Variants in DIP2A observed in about 807,000 individuals in gnomAD.
DIP2A encodes DIP2 acetate--CoA ligase A.
DIP2A carries 85 observed loss-of-function variants against 177.4 expected under a neutral mutation model. The ratio of observed to expected loss-of-function variants is 0.48; its 90% CI spans 0.40 to 0.57. The LOEUF is 0.57. Among genes scored for constraint, DIP2A ranks in the 20% least tolerant of loss-of-function variants. The pLI is 0.00. For missense variants in DIP2A, 1,791 were observed against 2,100.2 expected, an observed-to-expected ratio of 0.85 and a Z score of 2.88; for synonymous variants, 886 against 881.8, an observed-to-expected ratio of 1.00 and a Z score of -0.08.
At chr21:46,546,588 A>G (rs563500673) in intron 20 of DIP2A, among the ~76,000 whole-genome samples, 2 of 152,000 alleles carry the variant, frequency 1.3e-5, no homozygotes, top group East Asian at 3.9e-4. Flanking sequence ...TCCACCCACA[A>G]CTCGTTTCCC....
intron 22 of DIP2A, 116 bp downstream of exon 22, chr21:46,550,001 G>A (rs139802198): frequency 0.011 from 17,194 of 1,533,906 alleles, 127 homozygotes; most frequent in Non-Finnish European, 0.014. Flanking sequence ...CTCCAGCTTT[G>A]TTTATCTGTA....
intron 1 of DIP2A, among the ~76,000 whole-genome samples, chr21:46,464,817 C>CTTTTTGTTTTTTTTTTTTTT (rs2054652373): frequency 1.4e-5 from 1 of 73,442 alleles, no homozygotes; most frequent in Non-Finnish European, 2.5e-5. Context: ...ATATTCATGT[C>CTTTTTGTTTTTTTTTTTTTT]TTTTTTTTTT....
At chr21:46,578,752 T>A in the DIP2A span, among the ~76,000 whole-genome samples, 1 of 152,250 alleles carries the variant, frequency 6.6e-6, no homozygotes, top group African/African-American at 2.4e-5. Context: ...ATGTGATGAA[T>A]TATGTTTATT....
At chr21:46,527,411 T>TGCCTCCTGGGTTCAAGCAG (rs1407812065) in intron 8 of DIP2A, among the ~76,000 whole-genome samples, 1 of 139,048 alleles carries the variant, frequency 7.2e-6, no homozygotes, top group East Asian at 2.3e-4. Context: ...CTGCAACCTC[T>TGCCTCCTGGGTTCAAGCAG]GCCTCCTGGG....
intron 13 of DIP2A, among the ~76,000 whole-genome samples, 199 bp downstream of exon 13, chr21:46,534,886 G>A (rs2059499349): frequency 6.6e-6 from 1 of 152,200 alleles, no homozygotes; most frequent in Non-Finnish European, 1.5e-5. Context: ...CTGGCCAAGA[G>A]GGCACACGGT....
intron 13 of DIP2A, among the ~76,000 whole-genome samples, chr21:46,535,346 CAGT>C (rs2059523192): frequency 1.3e-5 from 2 of 152,124 alleles, no homozygotes; most frequent in South Asian, 4.1e-4. Flanking sequence ...AAAATGGACT[CAGT>C]AGTTTTCTTA....
At chr21:46,492,981 C>T (rs1263671453) in intron 3 of DIP2A, among the ~76,000 whole-genome samples, 3 of 152,178 alleles carry the variant, frequency 2.0e-5, no homozygotes, top group Admixed American at 6.5e-5. Context: ...TGCTGGCCCC[C>T]GCCCTGCCCC....
intron 36 of DIP2A, 141 bp from the exon 37 acceptor site, chr21:46,566,419 T>A: frequency 8.9e-7 from 1 of 1,125,428 alleles, no homozygotes; most frequent in South Asian, 1.5e-5. Context: ...TCACCCTTTC[T>A]GCACGTGGTG....
chr21:46,583,605 C>T, the DIP2A span, among the ~76,000 whole-genome samples: 2 of 152,150 alleles, frequency 1.3e-5, no homozygotes, highest in East Asian at 1.9e-4. Flanking sequence ...TTGAAGGTGT[C>T]GGGAGGTGGG....
In DIP2A at chr21:46,463,680, T is replaced by TTTTGTGTG. The variant is rs1555858071; in HGVS notation, c.91+4459_91+4460insTTGTGTGT. 8.4e-4 allele frequency among the ~76,000 whole-genome samples: 110 copies of TTTTGTGTG among 131,040 alleles called. 4 individuals are homozygous for TTTTGTGTG. In the East Asian group the frequency reaches 0.019, roughly 23 times the overall value. 86.0% of individuals were successfully genotyped at this position (131,040 alleles called of 152,430 possible). A position where few individuals can be genotyped will look rare whatever the true frequency, so the allele number is the denominator to read the frequency against. On this transcript the variant is annotated intron_variant, in intron 1 of 37. Transcript: ENST00000417564. ...TTAATTTCTAAAATCTGGGATATAT[T>TTTTGTGTG]TGTGTGTGTGTGTGTGTGTGTGTGT...
Position 46,567,467 on chromosome 21 carries a change from G to C in DIP2A, c.4561G>C (p.Val1521Leu), listed in dbSNP as rs2060869759. ...CCTGGTGGCCCTGGTGACCAACGTG[G>C]TGCTGGAGGAGCACTACCTGGTCGT... ...LDLVALVTNV[V>L]LEEHYLVVGV... Residue 1521 changes from valine to leucine, a missense_variant, in exon 38 of 38, where the codon GTG becomes CTG. Coordinates refer to ENST00000417564, the MANE Select transcript of DIP2A (RefSeq NM_015151.4). 4 of 1,613,900 alleles carry C rather than the reference G, an allele frequency of 2.5e-6. No individual in the cohort carries two copies. The highest frequency in any genetic ancestry group is 1.3e-5 in the African/African-American group (1 of 74,942).
At chr21:46,479,474 G>T (rs1159833624) in intron 1 of DIP2A, among the ~76,000 whole-genome samples, 1 of 152,146 alleles carries the variant, frequency 6.6e-6, no homozygotes, top group Non-Finnish European at 1.5e-5. Flanking sequence ...ATGAGACAGT[G>T]GACATTCAAA....
chr21:46,533,748 C>G, intron 11 of DIP2A, 101 bp downstream of exon 11: 5 of 1,523,948 alleles, frequency 3.3e-6, no homozygotes, highest in South Asian at 1.2e-5. Context: ...TCTGGGTCTT[C>G]AGCAAAAGTG....
rs74969581 is a variant in DIP2A at position 46,550,825 on chromosome 21, A to G, written c.2839+81A>G. On this transcript the variant is annotated intron_variant, in intron 23 of 37. Coordinates refer to ENST00000417564, the MANE Select transcript of DIP2A (RefSeq NM_015151.4). Reference sequence around the variant, plus strand: ...CTTGTGGTTAGGGTGCGGCCCTGCTAGACCTCCAGTGCCAACTGCCCACGT... The same window carrying G: ...CTTGTGGTTAGGGTGCGGCCCTGCTGGACCTCCAGTGCCAACTGCCCACGT... 5,543 of 1,420,900 alleles carry G rather than the reference A, an allele frequency of 3.9e-3. 141 individuals carry two copies. The African/African-American group carries it at 0.062, about 16-fold the overall frequency. 88.0% of individuals were successfully genotyped at this position (1,420,900 alleles called of 1,614,324 possible). A position where few individuals can be genotyped will look rare whatever the true frequency, so the allele number is the denominator to read the frequency against.
chr21:46,505,541 G>A (rs1035656702), intron 6 of DIP2A, among the ~76,000 whole-genome samples: 3 of 152,108 alleles, frequency 2.0e-5, no homozygotes, highest in Non-Finnish European at 4.4e-5. Flanking sequence ...CCCGAGAGGC[G>A]GAGGTTGCAG....
intron 18 of DIP2A, among the ~76,000 whole-genome samples, chr21:46,542,713 T>C (rs1265731605): frequency 6.6e-6 from 1 of 152,246 alleles, no homozygotes; most frequent in Non-Finnish European, 1.5e-5. Context: ...GTGATGGCCC[T>C]TCTGGGGTTC....
chr21:46,484,766 C>A lies in DIP2A; in HGVS notation c.101C>A (p.Thr34Asn). ...TCCATTGTTGTTTTAGGTGACATCA[C>A]TCAAAAAGGATATGAAAAGAAAAGG... ...LELELSEGDITQKGYEKKRAK... is the reference protein window; with the variant it reads ...LELELSEGDINQKGYEKKRAK... The change falls in exon 2 of 38, where the codon ACT becomes AAT. Residue 34 changes from threonine to asparagine, a missense_variant. By Grantham distance (65) the Thr-to-Asn change is moderately conservative. Coordinates refer to ENST00000417564, the MANE Select transcript of DIP2A (RefSeq NM_015151.4). 6.4e-7 allele frequency: 1 copy of A among 1,574,250 alleles called. No individual in the cohort carries two copies. The highest frequency in any genetic ancestry group is 8.6e-7 in the Non-Finnish European group (1 of 1,159,828).
Position 46,549,778 on chromosome 21 carries a change from G to A in DIP2A, c.2530G>A (p.Val844Met). 1.2e-6 allele frequency: 2 copies of A among 1,613,758 alleles called. No individual in the cohort carries two copies. The highest frequency in any genetic ancestry group is 1.7e-6 in the Non-Finnish European group (2 of 1,180,024). The stretch of plus-strand genomic sequence containing the variant: ...CCATGTCTCATCCCGCAGGATCGCT[G>A]TGTTCTCTGTGACCGTGCTGCACGA... ...MKFVYRGRIA[V>M]FSVTVLHDDR... The change falls in exon 22 of 38, where the codon GTG becomes ATG. Residue 844 changes from valine to methionine, a missense_variant. By Grantham distance (21) the Val-to-Met change is conservative. Coordinates refer to ENST00000417564, the MANE Select transcript of DIP2A (RefSeq NM_015151.4).
intron 3 of DIP2A, among the ~76,000 whole-genome samples, chr21:46,492,960 G>A (rs1425777902): frequency 1.3e-5 from 2 of 151,540 alleles, no homozygotes; most frequent in Non-Finnish European, 2.9e-5. Context: ...AAAAAAAGAG[G>A]CACTAGAGCT....
Sources: gnomAD v4.1 joint callset for allele counts (sites outside exome capture counted in the v4.1 genomes callset) on GRCh38, gnomAD v4.1.1 for gene constraint, MANE v1.5 for transcripts, NCBI Gene and HGNC (gene_info 2026-07-23, HGNC 2026-07-21) for gene names.